CNTLN: variants seen among roughly 807,000 people sequenced by gnomAD.
CNTLN encodes the protein centlein.
A neutral mutation model predicts 180.0 loss-of-function variants in CNTLN; 212 were observed. That is an observed-to-expected ratio of 1.18 (90% confidence interval 1.05 to 1.32). The LOEUF (loss-of-function observed/expected upper bound fraction) is 1.32, where lower values mean the gene tolerates loss of function less well. CNTLN is among the 40% of genes most tolerant of loss of function. CNTLN has a pLI of 0.00. For missense variants in CNTLN, 2,095 were observed against 1,610.9 expected (o/e 1.30, Z -5.14); for synonymous variants, 722 against 563.1 (o/e 1.28, Z -3.99).
chr9:17,219,519 A>T (rs983671856), intron 2 of CNTLN, among the ~76,000 whole-genome samples: 1 of 152,108 alleles, frequency 6.6e-6, no homozygotes, highest in African/African-American at 2.4e-5. Context: ...TTTCAAAATT[A>T]TAACATATTA....
At chr9:17,275,142 C>T (rs1263722999) in intron 6 of CNTLN, among the ~76,000 whole-genome samples, 4 of 152,062 alleles carry the variant, frequency 2.6e-5, no homozygotes, top group Non-Finnish European at 5.9e-5. Context: ...ATTATTTATT[C>T]TTATCCTCTT....
At chr9:17,261,878 A>C (rs113729711) in intron 5 of CNTLN, among the ~76,000 whole-genome samples, 5,681 of 151,676 alleles carry the variant, frequency 0.037, 246 homozygotes, top group East Asian at 0.18. Flanking sequence ...AAACAAATTT[A>C]CAAGTAAAAA....
chr9:17,347,323 C>T (rs1213245714), intron 12 of CNTLN, among the ~76,000 whole-genome samples: 1 of 152,134 alleles, frequency 6.6e-6, no homozygotes, highest in East Asian at 1.9e-4. Flanking sequence ...TGTTTCTCAA[C>T]CTACCTTGGG....
At position 17,409,472 on chromosome 9, in the gene CNTLN, A is replaced by G; in HGVS notation, c.2795A>G (p.Lys932Arg). ...TYLNIDGKTP[K>R]DYFHDKNAKK... Reference sequence around the variant, plus strand: ...TTAAATATAGATGGCAAGACCCCAAAGGTAAATGACATGATTTTGCTTAAT... The same window carrying G: ...TTAAATATAGATGGCAAGACCCCAAGGGTAAATGACATGATTTTGCTTAAT... Residue 932 changes from lysine (K) to arginine (R), a missense_variant and splice_region_variant, in exon 16 of 26, where the codon AAG becomes AGG. Transcript: ENST00000380647. 1 of 1,585,436 alleles carries G rather than the reference A, an allele frequency of 6.3e-7. No individual in the cohort carries two copies. Among genetic ancestry groups the G allele is most frequent in the Non-Finnish European group, 8.5e-7 (1 of 1,170,528 alleles).
At chr9:17,385,796 A>G (rs1241770304) in intron 13 of CNTLN, among the ~76,000 whole-genome samples, 1 of 152,200 alleles carries the variant, frequency 6.6e-6, no homozygotes, top group Non-Finnish European at 1.5e-5. Flanking sequence ...GATTATTTAA[A>G]CTATACAGGA....
In CNTLN at chr9:17,174,597, G is replaced by A. The variant is rs78617996; in HGVS notation, c.449+31221G>A. ...TGTAGTCCCAGCTACTCGGGAGGCT[G>A]AGACAGGAGAATTGCTTCAACCCGG... On this transcript the variant is annotated intron_variant, in intron 2 of 25. Coordinates refer to ENST00000380647, the MANE Select transcript of CNTLN (RefSeq NM_017738.4). 0.018 allele frequency among the ~76,000 whole-genome samples: 2,697 copies of A among 152,092 alleles called. 157 individuals are homozygous for A. In the East Asian group the frequency reaches 0.22, roughly 12 times the overall value.
chr9:17,449,581 C>G (rs1005098875), intron 18 of CNTLN, among the ~76,000 whole-genome samples: 1 of 151,896 alleles, frequency 6.6e-6, no homozygotes, highest in Non-Finnish European at 1.5e-5. Flanking sequence ...CAGTCAAACT[C>G]TTTTTTCTGT....
chr9:17,367,316 C>T (rs988139294), intron 13 of CNTLN, among the ~76,000 whole-genome samples: 2 of 152,216 alleles, frequency 1.3e-5, no homozygotes, highest in African/African-American at 4.8e-5. Flanking sequence ...CAGACCTGTC[C>T]AGAGGACAAT....
intron 2 of CNTLN, among the ~76,000 whole-genome samples, chr9:17,199,181 G>A (rs148115370): frequency 7.5e-5 from 11 of 145,972 alleles, no homozygotes; most frequent in African/African-American, 2.3e-4. Context: ...CTGCAGCCTC[G>A]CCAGCATCTG....
At chr9:17,470,551 G>T (rs1304329627) in intron 23 of CNTLN, among the ~76,000 whole-genome samples, 1 of 151,900 alleles carries the variant, frequency 6.6e-6, no homozygotes, top group East Asian at 1.9e-4. Context: ...ATCTAGTCTT[G>T]AATATGGAAT....
chr9:17,353,107 C>A (rs915271733), intron 12 of CNTLN, among the ~76,000 whole-genome samples: 21 of 151,924 alleles, frequency 1.4e-4, no homozygotes, highest in African/African-American at 5.1e-4. Context: ...ACATGCTAAT[C>A]TATGTTTGTT....
chr9:17,169,801 G>A (rs536553898), intron 2 of CNTLN, among the ~76,000 whole-genome samples: 79 of 151,894 alleles, frequency 5.2e-4, no homozygotes, highest in Non-Finnish European at 1.1e-3. Context: ...GATTACTATA[G>A]CTTTGTAATC....
In CNTLN at chr9:17,298,764, A is replaced by G. The variant is rs376983345; in HGVS notation, c.1146+412A>G. 3.7e-5 allele frequency: 37 copies of G among 988,314 alleles called. No individual in the cohort carries two copies. In the African/African-American group the frequency reaches 5.4e-4, roughly 14 times the overall value. 61.2% of individuals were successfully genotyped at this position (988,314 alleles called of 1,614,324 possible). A position where few individuals can be genotyped will look rare whatever the true frequency, so the allele number is the denominator to read the frequency against. Reference sequence around the variant, plus strand: ...TTTTCGGCAAATCTTCACAAATACAAAGGGGATTGCTGAGGAGGGCTTTAG... The same window carrying G: ...TTTTCGGCAAATCTTCACAAATACAGAGGGGATTGCTGAGGAGGGCTTTAG... On this transcript the variant is annotated intron_variant, in intron 7 of 25. Transcript: ENST00000380647.
intron 2 of CNTLN, among the ~76,000 whole-genome samples, chr9:17,154,349 G>A (rs1819108726): frequency 6.6e-6 from 1 of 152,104 alleles, no homozygotes; most frequent in Non-Finnish European, 1.5e-5. Context: ...TTGAGTGGAT[G>A]TGCTAATCCT....
chr9:17,138,479 G>T lies in CNTLN; in HGVS notation c.360+3054G>T, dbSNP rs1817869857. ...GTTGGAATTGTATGTGATCAGAGAAGTCAGCCAGTTATATTTTATGTTAGA... is the reference window on the plus strand; with the variant it reads ...GTTGGAATTGTATGTGATCAGAGAATTCAGCCAGTTATATTTTATGTTAGA... On this transcript the variant is annotated intron_variant, in intron 1 of 25. Transcript: ENST00000380647. 2.0e-5 allele frequency among the ~76,000 whole-genome samples: 3 copies of T among 152,172 alleles called. No homozygotes were observed. In the South Asian group the frequency reaches 6.2e-4, roughly 31 times the overall value.
At chr9:17,409,014 A>G (rs2584548) in intron 15 of CNTLN, among the ~76,000 whole-genome samples, 131,999 of 152,088 alleles carry the variant, frequency 0.87, 57,567 homozygotes, top group Non-Finnish European at 0.91. Flanking sequence ...AAGTGTTACA[A>G]CAATTGCTTC....
intron 3 of CNTLN, among the ~76,000 whole-genome samples, chr9:17,233,725 C>G (rs1412519910): frequency 7.0e-6 from 1 of 142,694 alleles, no homozygotes; most frequent in East Asian, 2.0e-4. Context: ...AGAAATTGAT[C>G]TAGTTACATT....
At chr9:17,250,330 T>C (rs1052542746) in intron 5 of CNTLN, among the ~76,000 whole-genome samples, 15 of 152,152 alleles carry the variant, frequency 9.9e-5, no homozygotes, top group African/African-American at 2.4e-4. Context: ...AATCTCTTTT[T>C]TTCTGACTGG....
chr9:17,441,775 C>A (rs1300851154), intron 18 of CNTLN, among the ~76,000 whole-genome samples: 1 of 151,960 alleles, frequency 6.6e-6, no homozygotes, highest in East Asian at 1.9e-4. Flanking sequence ...ATTAAAAAAA[C>A]AGAATTCAGC....
Sources: gnomAD v4.1 joint callset for allele counts (sites outside exome capture counted in the v4.1 genomes callset) on GRCh38, gnomAD v4.1.1 for gene constraint, MANE v1.5 for transcripts, NCBI Gene and HGNC (gene_info 2026-07-23, HGNC 2026-07-21) for gene names.